The following CTNNA3 variants were observed in gnomAD, a reference collection of about 807,000 sequenced individuals.
CTNNA3 encodes catenin alpha-3.
In CTNNA3, 76 loss-of-function variants were observed where a neutral mutation model predicts 95.7. The ratio of observed to expected loss-of-function variants is 0.79; its 90% CI spans 0.66 to 0.96. CTNNA3 has a LOEUF of 0.96. CTNNA3 is among the 40% of genes least tolerant of loss of function. The pLI is 0.00. For synonymous variants in CTNNA3, 431 were observed against 374.4 expected, an observed-to-expected ratio of 1.15 and a Z score of -1.74; for missense variants, 1,191 against 1,089.8, an observed-to-expected ratio of 1.09 and a Z score of -1.31.
chr10:67,078,061 A>G (rs1205850721), intron 7 of CTNNA3, among the ~76,000 whole-genome samples: 1 of 152,206 alleles, frequency 6.6e-6, no homozygotes, highest in African/African-American at 2.4e-5. Flanking sequence ...GACCAGGGTC[A>G]TACTTGGACC....
intron 15 of CTNNA3, among the ~76,000 whole-genome samples, chr10:66,059,311 A>T: frequency 6.6e-6 from 1 of 152,144 alleles, no homozygotes; most frequent in East Asian, 1.9e-4. Context: ...GAATAAAATT[A>T]AAATGAAGAC....
intron 13 of CTNNA3, among the ~76,000 whole-genome samples, chr10:66,205,125 C>A (rs755202648): frequency 6.6e-6 from 1 of 151,946 alleles, no homozygotes; most frequent in Non-Finnish European, 1.5e-5. Flanking sequence ...ACTAATTAAG[C>A]TTGATTTTTT....
chr10:66,304,259 G>T (rs2091902616), intron 12 of CTNNA3, among the ~76,000 whole-genome samples: 1 of 152,080 alleles, frequency 6.6e-6, no homozygotes, highest in Non-Finnish European at 1.5e-5. Flanking sequence ...TCTATAGAAG[G>T]TTGTTAAACA....
Position 66,218,891 on chromosome 10 carries a change from C to T in CTNNA3, c.1884+61579G>A, listed in dbSNP as rs79081986. On this transcript the variant is annotated intron_variant, in intron 13 of 17. Transcript: ENST00000433211. Reference sequence around the variant, plus strand: ...GAATAACTCCTGGGCAGATACAGGACAGAGTCCTAATCAAGAAACTTCCAA... The same window carrying T: ...GAATAACTCCTGGGCAGATACAGGATAGAGTCCTAATCAAGAAACTTCCAA... Among the ~76,000 whole-genome samples the T allele has an allele frequency of 2.1e-3, 323 of 152,314 alleles. 12 individuals are homozygous for T. The East Asian group carries it at 0.053, about 25-fold the overall frequency.
Position 66,313,603 on chromosome 10 carries a change from C to T in CTNNA3, c.1733-32982G>A, listed in dbSNP as rs1313017664. 2.6e-5 allele frequency among the ~76,000 whole-genome samples: 4 copies of T among 152,140 alleles called. No individual in the cohort carries two copies. The South Asian group carries it at 8.3e-4, about 32-fold the overall frequency. The stretch of plus-strand genomic sequence containing the variant: ...TCCACTCTGAGAGGCCTTCTCTGAC[C>T]ACGTAGCTATAGTTCCTACTACTGT... On this transcript the variant is annotated intron_variant, in intron 12 of 17. Transcript: ENST00000433211.
At chr10:66,892,080 TA>T (rs1305628842) in intron 7 of CTNNA3, among the ~76,000 whole-genome samples, 1 of 152,112 alleles carries the variant, frequency 6.6e-6, no homozygotes, top group African/African-American at 2.4e-5. Context: ...TTAAAATTAT[TA>T]AAATTTTAGA....
intron 10 of CTNNA3, among the ~76,000 whole-genome samples, chr10:66,561,669 A>G (rs1472380505): frequency 6.6e-6 from 1 of 152,062 alleles, no homozygotes; most frequent in East Asian, 1.9e-4. Flanking sequence ...TCAAAACAGG[A>G]AGCAAGGAGA....
At chr10:66,247,671 G>C (rs570032397) in intron 13 of CTNNA3, among the ~76,000 whole-genome samples, 3 of 152,260 alleles carry the variant, frequency 2.0e-5, no homozygotes, top group African/African-American at 7.2e-5. Context: ...AAACCTTATG[G>C]GCAGGGCAAA....
intron 10 of CTNNA3, among the ~76,000 whole-genome samples, chr10:66,528,895 G>C (rs1841362407): frequency 6.6e-6 from 1 of 151,778 alleles, no homozygotes; most frequent in Non-Finnish European, 1.5e-5. Context: ...TGCAGTGAAA[G>C]ACAGAAAAAA....
At chr10:66,630,473 T>A (rs1845093764) in intron 9 of CTNNA3, among the ~76,000 whole-genome samples, 1 of 152,128 alleles carries the variant, frequency 6.6e-6, no homozygotes, top group Non-Finnish European at 1.5e-5. Context: ...ACTGAATAGG[T>A]CCCAATTTAG....
chr10:66,072,659 G>T (rs1230024540), intron 14 of CTNNA3, among the ~76,000 whole-genome samples: 1 of 151,992 alleles, frequency 6.6e-6, no homozygotes, highest in African/African-American at 2.4e-5. Flanking sequence ...TGGACAGGCT[G>T]GTCTTGAACT....
chr10:67,152,280 T>A (rs548441798), intron 7 of CTNNA3, among the ~76,000 whole-genome samples: 1 of 152,176 alleles, frequency 6.6e-6, no homozygotes, highest in African/African-American at 2.4e-5. Context: ...TTGAAAAATA[T>A]TGAACTACAT....
At chr10:67,175,432 A>G (rs546178978) in intron 7 of CTNNA3, among the ~76,000 whole-genome samples, 1 of 152,260 alleles carries the variant, frequency 6.6e-6, no homozygotes, top group South Asian at 2.1e-4. Flanking sequence ...TTCCCAAGAC[A>G]TGGAATGCAT....
At chr10:66,874,209 A>G (rs1844524762) in intron 7 of CTNNA3, among the ~76,000 whole-genome samples, 2 of 152,116 alleles carry the variant, frequency 1.3e-5, no homozygotes. Context: ...GCCCTCAGAG[A>G]GCATGGCCAG....
intron 13 of CTNNA3, among the ~76,000 whole-genome samples, chr10:66,249,474 A>G (rs913626652): frequency 1.3e-5 from 2 of 152,224 alleles, no homozygotes; most frequent in African/African-American, 4.8e-5. Context: ...ATCTGAATAA[A>G]CATTTCTCAA....
intron 7 of CTNNA3, among the ~76,000 whole-genome samples, chr10:67,143,693 C>T (rs183852235): frequency 1.3e-5 from 2 of 152,254 alleles, no homozygotes; most frequent in Admixed American, 6.5e-5. Flanking sequence ...CATGAAAATG[C>T]AGCAATTTGG....
chr10:66,777,798 T>TCC (rs1840371298), intron 7 of CTNNA3, among the ~76,000 whole-genome samples: 1 of 41,508 alleles, frequency 2.4e-5, no homozygotes, highest in Non-Finnish European at 5.9e-5. Flanking sequence ...CACACACACA[T>TCC]GCACACACAC....
chr10:67,078,337 C>T (rs945471890), intron 7 of CTNNA3, among the ~76,000 whole-genome samples: 1 of 152,038 alleles, frequency 6.6e-6, no homozygotes, highest in African/African-American at 2.4e-5. Flanking sequence ...AGCCCTAAAG[C>T]ACAATTGCTC....
chr10:66,487,145 A>G (rs1839758396), intron 11 of CTNNA3, among the ~76,000 whole-genome samples: 1 of 133,178 alleles, frequency 7.5e-6, no homozygotes, highest in Non-Finnish European at 1.5e-5. Flanking sequence ...TAGTAATAAT[A>G]CTCTGTTGTT....
Sources: gnomAD v4.1 joint callset for allele counts (sites outside exome capture counted in the v4.1 genomes callset) on GRCh38, gnomAD v4.1.1 for gene constraint, MANE v1.5 for transcripts, NCBI Gene and HGNC (gene_info 2026-07-23, HGNC 2026-07-21) for gene names.